The following SCAF8 variants were observed in gnomAD, a reference collection of about 807,000 sequenced individuals.
SCAF8 encodes the protein SR-related CTD associated factor 8.
Under a neutral mutation model 140.5 loss-of-function variants are expected in SCAF8, and 23 were observed. The observed-to-expected ratio is 0.16, with a 90% CI of 0.12 to 0.23. SCAF8 has a LOEUF of 0.23. Ranked by LOEUF, SCAF8 falls within the 10% of genes least tolerant of loss-of-function variation. The probability of loss-of-function intolerance (pLI) is 1.00; values close to 1 mark genes in which losing one functional copy is unlikely to be tolerated. For synonymous variants in SCAF8, 575 were observed against 528.9 expected (o/e 1.09, Z -1.20); for missense variants, 1,397 against 1,555.7 (o/e 0.90, Z 1.72).
intron 7 of SCAF8, 116 bp from the exon 8 acceptor site, chr6:154,803,424 GTTTA>G (rs1777826210): frequency 1.4e-6 from 1 of 715,298 alleles, no homozygotes; most frequent in South Asian, 1.6e-5. Flanking sequence ...GATACAAAAT[GTTTA>G]TTTACACATT....
At chr6:154,742,076 G>T (rs9397742) in intron 1 of SCAF8, 243 of 1,145,262 alleles carry the variant, frequency 2.1e-4, no homozygotes, top group Non-Finnish European at 2.8e-4. Context: ...GGTTTCAATT[G>T]GTAGTGGAAT....
At position 154,742,148 on chromosome 6, in the gene SCAF8, AT is replaced by A. The variant is rs1024855092; in HGVS notation, c.30+8220del. 6.8e-6 allele frequency: 4 copies of A among 590,702 alleles called. No individual in the cohort carries two copies. In the African/African-American group the frequency reaches 7.4e-5, roughly 11 times the overall value. 36.6% of individuals were successfully genotyped at this position (590,702 alleles called of 1,614,324 possible). Reference sequence around the variant, plus strand: ...GAATGAAGTTTGTCACTTAGAATAGATTGGTAGTCTTAAAAGAGAGCGTCTA... The same window carrying A: ...GAATGAAGTTTGTCACTTAGAATAGATGGTAGTCTTAAAAGAGAGCGTCTA... On this transcript the variant is annotated intron_variant, in intron 1 of 19. Coordinates refer to ENST00000367178, the MANE Select transcript of SCAF8 (RefSeq NM_014892.5).
intron 18 of SCAF8, among the ~76,000 whole-genome samples, chr6:154,828,394 G>A (rs965953229): frequency 6.6e-6 from 1 of 151,756 alleles, no homozygotes; most frequent in Non-Finnish European, 1.5e-5. Context: ...GATACCCAGT[G>A]ACCAAAGAGA....
intron 3 of SCAF8, 77 bp downstream of exon 3, chr6:154,778,122 C>G (rs1776969108): frequency 1.3e-6 from 1 of 773,132 alleles, no homozygotes; most frequent in Admixed American, 2.9e-5. Context: ...ATCAAATACC[C>G]AAGTTTAAAT....
intron 3 of SCAF8, among the ~76,000 whole-genome samples, chr6:154,781,838 A>G (rs1045324108): frequency 6.6e-6 from 1 of 152,206 alleles, no homozygotes; most frequent in Non-Finnish European, 1.5e-5. Flanking sequence ...ATAAGAAGCT[A>G]CCAAACTGTT....
In SCAF8 at chr6:154,833,264, C is replaced by T. The variant is rs2114704065; in HGVS notation, c.3685C>T (p.Pro1229Ser). 2.5e-6 allele frequency: 4 copies of T among 1,613,972 alleles called. No homozygotes were observed. The highest frequency in any genetic ancestry group is 4.5e-5 in the East Asian group (2 of 44,832). The change falls in exon 20 of 20, where the codon CCA becomes TCA. Residue 1229 changes from proline to serine, a missense_variant. By Grantham distance (74) the Pro-to-Ser change is moderately conservative. Coordinates refer to ENST00000367178, the MANE Select transcript of SCAF8 (RefSeq NM_014892.5). ...GAGACATGCTCAGCCACCACCTATA[C>T]CAGTACAGAATGATCCTGAACTTTA... ...TERHAQPPPI[P>S]VQNDPELYEK...
intron 6 of SCAF8, among the ~76,000 whole-genome samples, chr6:154,800,475 C>CTA (rs1777740989): frequency 6.6e-6 from 1 of 151,462 alleles, no homozygotes; most frequent in Admixed American, 6.6e-5. Context: ...GCTGTGAAAA[C>CTA]TATAAATGGT....
rs765966830 is a variant in SCAF8, at chr6:154,822,326, A to G, written c.1843A>G (p.Thr615Ala). 2 of 1,613,694 alleles carry G rather than the reference A, an allele frequency of 1.2e-6. No homozygotes were observed. Among genetic ancestry groups the G allele is most frequent in the Admixed American group, 1.7e-5 (1 of 59,992 alleles). ...SEPVKETVQT[T>A]QSPTPVEKET... Reference sequence around the variant, plus strand: ...ACCTGTTAAAGAGACGGTCCAGACAACTCAGAGCCCAACTCCAGTTGAAAA... The same window carrying G: ...ACCTGTTAAAGAGACGGTCCAGACAGCTCAGAGCCCAACTCCAGTTGAAAA... The change falls in exon 16 of 20, where the codon ACT becomes GCT. Residue 615 changes from threonine to alanine, a missense_variant. Physicochemically the swap from Thr to Ala is moderately conservative, Grantham distance 58. This residue lies in a region of SCAF8 where 930 missense variants were observed against 874.6 expected (regional missense o/e 1.06). Transcript: ENST00000367178.
At position 154,833,154 on chromosome 6, in the gene SCAF8, A is replaced by G. The variant is rs1218906890; in HGVS notation, c.3575A>G (p.His1192Arg). The change falls in exon 20 of 20, where the codon CAT (histidine) becomes CGT (arginine). Residue 1192 changes from histidine (H) to arginine (R), a missense_variant. By Grantham distance (29) the His-to-Arg change is conservative. Transcript: ENST00000367178. Reference protein sequence around the residue: ...RIQNTWVPPPHARVFDYFEGA... With the variant: ...RIQNTWVPPPRARVFDYFEGA... ...CAAAACACTTGGGTTCCCCCTCCTC[A>G]TGCTCGGGTTTTTGATTATTTTGAA... 37 of 1,613,970 alleles carry G rather than the reference A, an allele frequency of 2.3e-5. No individual in the cohort carries two copies. In the Admixed American group the frequency reaches 5.2e-4, roughly 23 times the overall value.
intron 9 of SCAF8, among the ~76,000 whole-genome samples, chr6:154,806,820 T>G (rs1251181193): frequency 6.6e-6 from 1 of 152,168 alleles, no homozygotes; most frequent in Non-Finnish European, 1.5e-5. Context: ...GTATTTTATG[T>G]CAAGCAAATG....
At position 154,810,128 on chromosome 6, in the gene SCAF8, C is replaced by T; in HGVS notation, c.1340C>T (p.Ser447Leu). 1 of 1,613,716 alleles carries T rather than the reference C, an allele frequency of 6.2e-7. No homozygotes were observed. The highest frequency in any genetic ancestry group is 8.5e-7 in the Non-Finnish European group (1 of 1,179,838). ...ERKRKSSRSYSSERRAREREK... is the reference protein window; with the variant it reads ...ERKRKSSRSYLSERRAREREK... ...AAGAGGAAATCATCACGGTCGTATTCAAGTGAAAGGAGAGCCAGAGAAAGG... is the reference window on the plus strand; with the variant it reads ...AAGAGGAAATCATCACGGTCGTATTTAAGTGAAAGGAGAGCCAGAGAAAGG... Residue 447 changes from serine (S) to leucine (L), a missense_variant, in exon 12 of 20, where the codon TCA becomes TTA. Coordinates refer to ENST00000367178, the MANE Select transcript of SCAF8 (RefSeq NM_014892.5).
intron 11 of SCAF8, among the ~76,000 whole-genome samples, chr6:154,809,447 G>A (rs1393604400): frequency 1.3e-5 from 2 of 151,920 alleles, no homozygotes; most frequent in South Asian, 2.1e-4. Flanking sequence ...TAAACCCACC[G>A]CGTATCACTG....
intron 3 of SCAF8, among the ~76,000 whole-genome samples, chr6:154,784,135 ATATATATATATATATATATATATT>A (rs1246017030): frequency 3.8e-5 from 3 of 78,008 alleles, no homozygotes; most frequent in South Asian, 5.7e-4. Context: ...ATATATATAT[ATATATATATATATATATATATATT>A]TATTTATTTA....
intron 3 of SCAF8, among the ~76,000 whole-genome samples, chr6:154,778,522 T>C (rs1044537085): frequency 1.3e-5 from 2 of 152,194 alleles, no homozygotes; most frequent in African/African-American, 4.8e-5. Flanking sequence ...CCCAGCACTT[T>C]GGGAGGCCAA....
intron 1 of SCAF8, among the ~76,000 whole-genome samples, chr6:154,736,055 G>C (rs1367081851): frequency 2.0e-5 from 3 of 151,860 alleles, no homozygotes; most frequent in Non-Finnish European, 2.9e-5. Flanking sequence ...TGAACTCCTG[G>C]GCCCAAGCGG....
rs1001156843 is a variant in SCAF8 at position 154,779,793 on chromosome 6, A to G, written c.159+1748A>G. Among the ~76,000 whole-genome samples the G allele has an allele frequency of 1.9e-3, 295 of 151,352 alleles. 1 individual carries two copies. Among genetic ancestry groups the G allele is most frequent in the African/African-American group, 6.7e-3 (275 of 41,192 alleles). On this transcript the variant is annotated intron_variant, in intron 3 of 19. Transcript: ENST00000367178. ...TGTGTGTGTGTGTGTATATATATATATATATATACACTTTTTTTTTATACT... is the reference window on the plus strand; with the variant it reads ...TGTGTGTGTGTGTGTATATATATATGTATATATACACTTTTTTTTTATACT...
intron 12 of SCAF8, among the ~76,000 whole-genome samples, chr6:154,811,548 T>A (rs1251432684): frequency 1.3e-5 from 2 of 152,300 alleles, no homozygotes; most frequent in Non-Finnish European, 2.9e-5. Context: ...TTCTTTTTTT[T>A]AAATTATACT....
rs531850515 is a variant in SCAF8, at chr6:154,806,482, A to G, written c.981+996A>G. ...AGGCAAGTGTTACATACAGAGATGAACAGAAATGAGGTTGTGGCATCAGGT... is the reference window on the plus strand; with the variant it reads ...AGGCAAGTGTTACATACAGAGATGAGCAGAAATGAGGTTGTGGCATCAGGT... On this transcript the variant is annotated intron_variant, in intron 9 of 19. Transcript: ENST00000367178. Among the ~76,000 whole-genome samples, 3 of 152,302 alleles carry G rather than the reference A, an allele frequency of 2.0e-5. No individual in the cohort carries two copies. In the South Asian group the frequency reaches 6.2e-4, roughly 32 times the overall value.
chr6:154,746,528 C>T (rs184827422), intron 1 of SCAF8, among the ~76,000 whole-genome samples: 1 of 152,248 alleles, frequency 6.6e-6, no homozygotes, highest in South Asian at 2.1e-4. Context: ...TCTAGCTTTC[C>T]CTCTTTCCAA....
Sources: gnomAD v4.1 joint callset for allele counts (sites outside exome capture counted in the v4.1 genomes callset) on GRCh38, gnomAD v4.1.1 for gene constraint, gnomAD v4.1.1 regional missense constraint, MANE v1.5 for transcripts, NCBI Gene and HGNC (gene_info 2026-07-23, HGNC 2026-07-21) for gene names.